The following MGA variants were observed in gnomAD, a reference collection of about 807,000 sequenced individuals.
MGA encodes MAX gene-associated protein.
A neutral mutation model predicts 261.1 loss-of-function variants in MGA; 40 were observed. The ratio of observed to expected loss-of-function variants is 0.15; its 90% CI spans 0.12 to 0.20. The LOEUF is 0.20. MGA is among the 10% of genes least tolerant of loss of function. The pLI, the probability that MGA is intolerant of heterozygous loss-of-function variation, is 1.00. For missense variants in MGA, 3,397 were observed against 3,630.5 expected (o/e 0.94, Z 1.65); for synonymous variants, 1,302 against 1,290.6 (o/e 1.01, Z -0.19).
chr15:41,719,786 G>T (rs1359606634), intron 9 of MGA, among the ~76,000 whole-genome samples: 1 of 152,030 alleles, frequency 6.6e-6, no homozygotes, highest in African/African-American at 2.4e-5. Context: ...ATCATATGTT[G>T]TAATTAGTAA....
chr15:41,689,263 G>C (rs962439413), intron 2 of MGA, among the ~76,000 whole-genome samples: 14 of 151,026 alleles, frequency 9.3e-5, no homozygotes, highest in African/African-American at 3.4e-4. Flanking sequence ...CCCTCTCTCT[G>C]TGGCTCGCTC....
chr15:41,675,476 T>A (rs958863467), intron 2 of MGA, among the ~76,000 whole-genome samples: 2 of 152,066 alleles, frequency 1.3e-5, no homozygotes, highest in Non-Finnish European at 2.9e-5. Context: ...TGGGCTTTAC[T>A]GATCCTGCTG....
chr15:41,687,636 A>T (rs576953134), intron 2 of MGA, among the ~76,000 whole-genome samples: 1 of 152,290 alleles, frequency 6.6e-6, no homozygotes, highest in South Asian at 2.1e-4. Context: ...TGGTATGTTG[A>T]TAAGTTTGTT....
intron 1 of MGA, among the ~76,000 whole-genome samples, chr15:41,638,741 A>G (rs1392170202): frequency 7.6e-6 from 1 of 132,372 alleles, no homozygotes; most frequent in Non-Finnish European, 1.5e-5. Flanking sequence ...CCCAAGCTGG[A>G]GTGCAGTGGT....
chr15:41,623,298 A>G (rs1318011650), intron 1 of MGA, among the ~76,000 whole-genome samples: 1 of 152,246 alleles, frequency 6.6e-6, no homozygotes, highest in Non-Finnish European at 1.5e-5. Flanking sequence ...ATAAGTAGCA[A>G]CCCTGGAACA....
At chr15:41,703,368 A>ACCCCCCCCCCCCCC (rs71108121) in intron 5 of MGA, among the ~76,000 whole-genome samples, 1 of 93,250 alleles carries the variant, frequency 1.1e-5, no homozygotes, top group South Asian at 4.2e-4. Context: ...TTGTGAAGTT[A>ACCCCCCCCCCCCCC]CCCCCCCCCC....
At position 41,736,499 on chromosome 15, in the gene MGA, C is replaced by G. The variant is rs59030804; in HGVS notation, c.4235C>G (p.Ser1412Cys). ...GACCAAGATGATATGGCTGAGAAAT[C>G]TGGATCAGAGACTCCTGATGGTCCA... is the stretch of plus-strand genomic sequence containing the variant. Residue 1412 changes from serine (S) to cysteine (C), a missense_variant, in exon 13 of 24, where the codon TCT becomes TGT. Physicochemically the swap from Ser to Cys is moderately radical, Grantham distance 112 (BLOSUM62 -1). Around this residue, in one of 9 missense-constraint regions of MGA, gnomAD observed 1,410 missense variants for 1,386.4 expected, o/e 1.02. Transcript: ENST00000219905. 4.2e-4 allele frequency: 676 copies of G among 1,614,018 alleles called. 4 individuals carry two copies. The African/African-American group carries it at 8.3e-3, about 20-fold the overall frequency.
At chr15:41,715,895 A>G (rs1360315015) in intron 9 of MGA, among the ~76,000 whole-genome samples, 1 of 152,184 alleles carries the variant, frequency 6.6e-6, no homozygotes. Context: ...TATGCTTAAG[A>G]CAAGCATTTC....
rs377570583 is a variant in MGA at position 41,765,843 on chromosome 15, A to G, written c.7922-161A>G. Among the ~76,000 whole-genome samples, 206 of 152,336 alleles carry G rather than the reference A, an allele frequency of 1.4e-3. 1 individual carries two copies. The highest frequency in any genetic ancestry group is 4.7e-3 in the African/African-American group (194 of 41,582). ...AGATTTTTCTTGTTGGGTTAGGTCAATAATTTGAAGAACTGATATTTCTTT... is the reference window on the plus strand; with the variant it reads ...AGATTTTTCTTGTTGGGTTAGGTCAGTAATTTGAAGAACTGATATTTCTTT... On this transcript the variant is annotated intron_variant, in intron 23 of 23. Transcript: ENST00000219905.
chr15:41,733,224 C>T (rs1343925593), intron 11 of MGA, among the ~76,000 whole-genome samples: 1 of 152,114 alleles, frequency 6.6e-6, no homozygotes, highest in Non-Finnish European at 1.5e-5. Flanking sequence ...TCCCAAAGTG[C>T]TGGATTACAG....
rs572706009 is a variant in MGA at position 41,718,347 on chromosome 15, A to G, written c.3430+4851A>G. On this transcript the variant is annotated intron_variant, in intron 9 of 23. Coordinates refer to ENST00000219905, the MANE Select transcript of MGA (RefSeq NM_001164273.2). ...CATATATATATACATGTATAGTATT[A>G]TTTAGTTAGGTTCTTAAGAAGTTTA... The G allele has an allele frequency of 9.2e-5, 38 of 412,210 alleles. 1 individual carries two copies. In the South Asian group the frequency reaches 1.4e-3, roughly 15 times the overall value. The allele number at this position is 412,210 out of a possible 1,614,324, so 25.5% of individuals were successfully genotyped here.
intron 1 of MGA, among the ~76,000 whole-genome samples, chr15:41,650,899 T>G (rs867992012): frequency 1.1e-4 from 17 of 152,204 alleles, no homozygotes; most frequent in South Asian, 4.1e-4. Flanking sequence ...CTAGGTTATT[T>G]TCATCTGGTC....
At position 41,624,534 on chromosome 15, in the gene MGA, T is replaced by G. The variant is rs956820007; in HGVS notation, c.-68+3236T>G. Among the ~76,000 whole-genome samples, 8 of 151,972 alleles carry G rather than the reference T, an allele frequency of 5.3e-5. No individual in the cohort carries two copies. In the East Asian group the frequency reaches 5.8e-4, roughly 11 times the overall value. On this transcript the variant is annotated intron_variant, in intron 1 of 8. Coordinates refer to the MGA transcript ENST00000566718. The stretch of plus-strand genomic sequence containing the variant: ...ATTTTTAGTAGAGACGGGGTTTCAC[T>G]ATATTGGCCAGGCTGGTCTCGAGCT...
intron 1 of MGA, among the ~76,000 whole-genome samples, chr15:41,644,995 A>C (rs2056907365): frequency 6.6e-6 from 1 of 152,230 alleles, no homozygotes; most frequent in Non-Finnish European, 1.5e-5. Context: ...TGTATTGATG[A>C]AAATAAAAAA....
intron 7 of MGA, 45 bp downstream of exon 7, chr15:41,708,253 C>A: frequency 1.5e-6 from 2 of 1,294,728 alleles, no homozygotes; most frequent in Non-Finnish European, 2.1e-6. Flanking sequence ...AAACATGTAG[C>A]CAGAAACCTT....
At chr15:41,693,147 G>C (rs887301480) in intron 2 of MGA, among the ~76,000 whole-genome samples, 9 of 152,122 alleles carry the variant, frequency 5.9e-5, no homozygotes, top group African/African-American at 2.2e-4. Flanking sequence ...GCTTCTATTG[G>C]AGGATTTTCT....
intron 11 of MGA, among the ~76,000 whole-genome samples, chr15:41,731,336 AT>A (rs1218642631): frequency 2.0e-5 from 3 of 152,144 alleles, no homozygotes; most frequent in Non-Finnish European, 2.9e-5. Context: ...GTATCTATGC[AT>A]TTATCTATGT....
intron 2 of MGA, among the ~76,000 whole-genome samples, chr15:41,675,799 AG>A (rs11334459): frequency 0.013 from 2,003 of 152,258 alleles, 49 homozygotes; most frequent in African/African-American, 0.046. Context: ...ATAGCTGTAG[AG>A]GGCAAAATCA....
intron 2 of MGA, among the ~76,000 whole-genome samples, chr15:41,678,070 A>T (rs1290144295): frequency 6.6e-6 from 1 of 151,334 alleles, no homozygotes; most frequent in Non-Finnish European, 1.5e-5. Flanking sequence ...TCTTAAGTTT[A>T]GGTCTGCAAT....
Sources: gnomAD v4.1 joint callset for allele counts (sites outside exome capture counted in the v4.1 genomes callset) on GRCh38, gnomAD v4.1.1 for gene constraint, gnomAD v4.1.1 regional missense constraint, MANE v1.5 for transcripts, NCBI Gene and HGNC (gene_info 2026-07-23, HGNC 2026-07-21) for gene names.